Variants in RTL4 observed in about 807,000 individuals in gnomAD.
The protein encoded by RTL4 is retrotransposon Gag-like protein 4.
RTL4 carries 4 observed loss-of-function variants against 5.3 expected under a neutral mutation model. The observed-to-expected ratio is 0.75, with a 90% CI of 0.37 to 1.72. The LOEUF (loss-of-function observed/expected upper bound fraction) is 1.72, where lower values mean the gene tolerates loss of function less well. Among genes scored for constraint, RTL4 ranks in the 40% most tolerant of loss-of-function variants. RTL4 has a pLI of 0.04. For missense variants in RTL4, 260 were observed against 227.1 expected (o/e 1.14, Z -0.93); for synonymous variants, 98 against 87.3 (o/e 1.12, Z -0.68).
chrX:112,420,991 C>CT, the RTL4 span, among the ~76,000 whole-genome samples: 3 of 111,270 alleles, frequency 2.7e-5, no homozygotes, highest in Admixed American at 9.6e-5. Context: ...AGGCTTTCAC[C>CT]TTTTTTTTAA....
the RTL4 span, among the ~76,000 whole-genome samples, chrX:112,365,083 C>A: frequency 9.0e-6 from 1 of 110,616 alleles, no homozygotes; most frequent in Non-Finnish European, 1.9e-5. Context: ...CTAATCCAGT[C>A]TTTAATAGGG....
the RTL4 span, among the ~76,000 whole-genome samples, chrX:112,241,555 T>G: frequency 4.4e-5 from 5 of 112,452 alleles, no homozygotes; most frequent in African/African-American, 1.6e-4. Flanking sequence ...GATTTTTTTC[T>G]TGTAAATTTG....
chrX:112,083,762 T>C, the RTL4 span, among the ~76,000 whole-genome samples: 8 of 111,280 alleles, frequency 7.2e-5, no homozygotes, highest in Non-Finnish European at 1.5e-4. Context: ...TTTCACCTTA[T>C]AGCCTGGCGC....
the RTL4 span, among the ~76,000 whole-genome samples, chrX:112,257,906 C>CAT: frequency 3.9e-3 from 401 of 102,468 alleles, 4 homozygotes; most frequent in African/African-American, 0.014. Context: ...TATATATACA[C>CAT]ATATATATAT....
chrX:112,404,405 C>G, the RTL4 span, among the ~76,000 whole-genome samples: 1 of 111,416 alleles, frequency 9.0e-6, no homozygotes, highest in Non-Finnish European at 1.9e-5. Context: ...TTTGTAACCT[C>G]TACTCTAAGT....
chrX:112,321,725 C>T, the RTL4 span, among the ~76,000 whole-genome samples: 1 of 111,307 alleles, frequency 9.0e-6, no homozygotes, highest in African/African-American at 3.3e-5. Flanking sequence ...TGATGAAACT[C>T]ATGGATGGAG....
chrX:112,156,958 T>G, the RTL4 span, among the ~76,000 whole-genome samples: 3 of 110,646 alleles, frequency 2.7e-5, no homozygotes, highest in African/African-American at 9.9e-5. Flanking sequence ...AATTGATTGC[T>G]CCAATTTAAA....
At chrX:112,417,358 T>C in the RTL4 span, among the ~76,000 whole-genome samples, 3 of 111,783 alleles carry the variant, frequency 2.7e-5, no homozygotes, top group African/African-American at 9.7e-5. Context: ...TCCAGTTAGG[T>C]AGATGGGCAA....
the RTL4 span, among the ~76,000 whole-genome samples, chrX:112,369,632 C>T: frequency 8.9e-6 from 1 of 112,003 alleles, no homozygotes; most frequent in Non-Finnish European, 1.9e-5. Context: ...GAAGACAAAT[C>T]TACTTTTTAT....
chrX:112,357,534 ACAAAACAAAAAGATCAAAC>A, the RTL4 span, among the ~76,000 whole-genome samples: 32 of 112,144 alleles, frequency 2.9e-4, no homozygotes, highest in East Asian at 8.2e-3. Flanking sequence ...AAAGATCAAA[ACAAAACAAAAAGATCAAAC>A]CAAAACAAAA....
the RTL4 span, among the ~76,000 whole-genome samples, chrX:112,430,230 G>A: frequency 1.8e-5 from 2 of 110,982 alleles, no homozygotes; most frequent in Admixed American, 1.9e-4. Flanking sequence ...CTGTTCTGGA[G>A]AGTTTTTTCT....
chrX:112,093,422 A>G, the RTL4 span, among the ~76,000 whole-genome samples: 3 of 111,591 alleles, frequency 2.7e-5, no homozygotes, highest in African/African-American at 9.8e-5. Flanking sequence ...CATGTCATGT[A>G]AGAGTCCATC....
At chrX:112,317,396 G>C in the RTL4 span, among the ~76,000 whole-genome samples, 1 of 111,875 alleles carries the variant, frequency 8.9e-6, no homozygotes, top group African/African-American at 3.2e-5. Flanking sequence ...ATTCTTTACT[G>C]GGCAGTCAGG....
At chrX:112,220,690 C>G in the RTL4 span, among the ~76,000 whole-genome samples, 3 of 112,279 alleles carry the variant, frequency 2.7e-5, no homozygotes, top group Admixed American at 2.8e-4. Context: ...TAATCTCTCT[C>G]AAGTTCAAAG....
chrX:112,336,813 C>T, the RTL4 span, among the ~76,000 whole-genome samples: 1 of 111,774 alleles, frequency 8.9e-6, no homozygotes, highest in Non-Finnish European at 1.9e-5. Flanking sequence ...AAGAGCAAAA[C>T]AGCAAATATT....
chrX:112,290,455 G>A, the RTL4 span, among the ~76,000 whole-genome samples: 1 of 112,015 alleles, frequency 8.9e-6, no homozygotes, highest in Admixed American at 9.5e-5. Flanking sequence ...GACCAAAAAG[G>A]GAGGATCATC....
chrX:112,182,121 G>A, the RTL4 span, among the ~76,000 whole-genome samples: 4 of 111,831 alleles, frequency 3.6e-5, no homozygotes, highest in African/African-American at 1.3e-4. Context: ...CTAACAAACA[G>A]AAAGGAATAG....
chrX:112,362,792 C>T, the RTL4 span, among the ~76,000 whole-genome samples: 30 of 111,011 alleles, frequency 2.7e-4, no homozygotes, highest in East Asian at 1.7e-3. Context: ...GGTAGTCAAC[C>T]ATCCTGGTTT....
the RTL4 span, among the ~76,000 whole-genome samples, chrX:112,360,629 C>G: frequency 9.1e-6 from 1 of 109,940 alleles, no homozygotes; most frequent in Non-Finnish European, 1.9e-5. Flanking sequence ...TATCATCATA[C>G]TATATCACTA....
Sources: allele counts gnomAD v4.1 joint callset (sites outside exome capture counted in the v4.1 genomes callset), GRCh38; gene constraint gnomAD v4.1.1; transcripts MANE v1.5; gene names NCBI Gene and HGNC (gene_info 2026-07-23, HGNC 2026-07-21).